The following TMEM64 variants were observed in gnomAD, a reference collection of about 807,000 sequenced individuals.
TMEM64 encodes the protein transmembrane protein 64.
A neutral mutation model predicts 24.5 loss-of-function variants in TMEM64; 19 were observed. The ratio of observed to expected loss-of-function variants is 0.78; its 90% confidence interval spans 0.54 to 1.14. The LOEUF is 1.14. TMEM64 is among the 50% of genes most tolerant of loss of function. The pLI is 0.00. For missense variants in TMEM64, 487 were observed against 493.0 expected (o/e 0.99, Z 0.12); for synonymous variants, 262 against 224.7 (o/e 1.17, Z -1.49).
chr8:90,635,808 G>T (rs35409073), intron 1 of TMEM64, among the ~76,000 whole-genome samples: 52,706 of 151,978 alleles, frequency 0.35, 9,977 homozygotes, highest in East Asian at 0.72. Flanking sequence ...ACATATTATG[G>T]AAGTTATCTT....
In TMEM64 at chr8:90,631,412, T is replaced by C. The variant is rs1025362291; in HGVS notation, c.951+140A>G. Reference sequence around the variant, plus strand: ...AAAATTTTAATGTTGTCAAAATATGTAGTAGTAATGAAAGAACCAAGAAAA... The same window carrying C: ...AAAATTTTAATGTTGTCAAAATATGCAGTAGTAATGAAAGAACCAAGAAAA... On this transcript the variant is annotated intron_variant, in intron 2 of 2. Coordinates refer to ENST00000458549, the MANE Select transcript of TMEM64 (RefSeq NM_001008495.4). 4.1e-5 allele frequency: 25 copies of C among 608,164 alleles called. No individual in the cohort carries two copies. In the Admixed American group the frequency reaches 5.1e-4, roughly 13 times the overall value. The allele number at this position is 608,164 out of a possible 1,614,324, so 37.7% of individuals were successfully genotyped here.
intron 1 of TMEM64, among the ~76,000 whole-genome samples, chr8:90,632,790 A>C (rs184251231): frequency 6.6e-6 from 1 of 152,322 alleles, no homozygotes; most frequent in East Asian, 1.9e-4. Context: ...TAGGATCAAA[A>C]ATATTTCTAA....
intron 1 of TMEM64, among the ~76,000 whole-genome samples, chr8:90,633,523 A>C (rs1181756566): frequency 1.3e-5 from 2 of 152,228 alleles, no homozygotes; most frequent in Admixed American, 1.3e-4. Context: ...GGTATACAGC[A>C]ATACATGACA....
intron 1 of TMEM64, among the ~76,000 whole-genome samples, chr8:90,634,750 T>C (rs1809489756): frequency 6.6e-6 from 1 of 152,224 alleles, no homozygotes; most frequent in African/African-American, 2.4e-5. Context: ...ACTACTGATT[T>C]TGAAAGTAAC....
At chr8:90,629,391 T>C (rs1809407291) in intron 2 of TMEM64, among the ~76,000 whole-genome samples, 1 of 152,160 alleles carries the variant, frequency 6.6e-6, no homozygotes, top group Non-Finnish European at 1.5e-5. Flanking sequence ...CATAAAAATA[T>C]AAAGTTTCAA....
rs1413193614 is a variant in TMEM64 at position 90,645,662 on chromosome 8, G to A, written c.244C>T (p.Pro82Ser). Residue 82 changes from proline to serine, a missense_variant, in exon 1 of 3, where the codon CCG (proline) becomes TCG (serine). Coordinates refer to ENST00000458549, the MANE Select transcript of TMEM64 (RefSeq NM_001008495.4). The surrounding 1 kb of genome is among the most constrained non-coding windows in gnomAD (Gnocchi z 4.2). The stretch of plus-strand genomic sequence containing the variant: ...CCCGCCAAGGCCCCGCCCGGCTCCG[G>A]CAGCTCCGAAGCCTCGGGCGGACCG... ...RHGPPEASEL[P>S]EPGGALAGGP... 2.0e-6 allele frequency: 3 copies of A among 1,524,978 alleles called. No individual in the cohort carries two copies. Among genetic ancestry groups the A allele is most frequent in the Non-Finnish European group, 2.6e-6 (3 of 1,141,696 alleles). The allele number at this position is 1,524,978 out of a possible 1,614,324, so 94.5% of individuals were successfully genotyped here. A position where few individuals can be genotyped will look rare whatever the true frequency, so the allele number is the denominator to read the frequency against.
At chr8:90,637,464 T>A (rs74501676) in intron 1 of TMEM64, among the ~76,000 whole-genome samples, 1 of 152,234 alleles carries the variant, frequency 6.6e-6, no homozygotes, top group Non-Finnish European at 1.5e-5. Flanking sequence ...TGCAGCTCTG[T>A]GAATCTAGCA....
In TMEM64 at chr8:90,645,782, G is replaced by C. The variant is rs1271459220; in HGVS notation, c.124C>G (p.Pro42Ala). 9.8e-7 allele frequency: 1 copy of C among 1,018,004 alleles called. No homozygotes were observed. Among genetic ancestry groups the C allele is most frequent in the African/African-American group, 1.7e-5 (1 of 57,522 alleles). The allele number at this position is 1,018,004 out of a possible 1,614,324, so 63.1% of individuals were successfully genotyped here. A position where few individuals can be genotyped will look rare whatever the true frequency, so the allele number is the denominator to read the frequency against. Reference protein sequence around the residue: ...ALPRGAGGDGPADRLPRGGGA... With the variant: ...ALPRGAGGDGAADRLPRGGGA... ...CCCCCGCGGGGAAGGCGGTCCGCCG[G>C]GCCGTCCCCGCCCGCACCCCGCGGC... The change falls in exon 1 of 3, where the codon CCG becomes GCG. Residue 42 changes from proline (P) to alanine (A), a missense_variant. Pro to Ala is a conservative substitution (Grantham distance 27). Transcript: ENST00000458549. This position sits in a 1 kb window ranked among gnomAD's most constrained non-coding sequence, Gnocchi z 4.2.
intron 2 of TMEM64, among the ~76,000 whole-genome samples, chr8:90,629,172 T>C (rs1324083709): frequency 6.6e-6 from 1 of 152,212 alleles, no homozygotes; most frequent in Non-Finnish European, 1.5e-5. Flanking sequence ...GTAACTAATA[T>C]CAATTAAATC....
At chr8:90,631,221 T>C (rs1413458686) in intron 2 of TMEM64, among the ~76,000 whole-genome samples, 1 of 152,216 alleles carries the variant, frequency 6.6e-6, no homozygotes, top group East Asian at 1.9e-4. Context: ...ACTGAAATTA[T>C]TTTCAGATAC....
chr8:90,637,932 G>A (rs942365104), intron 1 of TMEM64, among the ~76,000 whole-genome samples: 20 of 151,986 alleles, frequency 1.3e-4, no homozygotes, highest in African/African-American at 4.1e-4. Context: ...CAATCTCAGC[G>A]GCCCTAGCTG....
At chr8:90,625,960 T>C (rs1454141494) in intron 2 of TMEM64, 98 bp from the exon 3 acceptor site, 1 of 865,914 alleles carries the variant, frequency 1.2e-6, no homozygotes, top group Non-Finnish European at 1.7e-6. Flanking sequence ...TCAAACAGGG[T>C]GCTTCTCAAA....
At chr8:90,625,950 T>A in intron 2 of TMEM64, 88 bp from the exon 3 acceptor site, 1 of 935,744 alleles carries the variant, frequency 1.1e-6, no homozygotes, top group Non-Finnish European at 1.6e-6. Context: ...TAGAAATGCT[T>A]CAAACAGGGT....
intron 1 of TMEM64, among the ~76,000 whole-genome samples, chr8:90,632,647 C>CA (rs1281772628): frequency 6.6e-6 from 1 of 152,168 alleles, no homozygotes; most frequent in African/African-American, 2.4e-5. Flanking sequence ...TTAGTACAGA[C>CA]AGAGTTTCAC....
chr8:90,642,616 T>G (rs2130511225), intron 1 of TMEM64, among the ~76,000 whole-genome samples: 1 of 152,338 alleles, frequency 6.6e-6, no homozygotes, highest in South Asian at 2.1e-4. Context: ...TAAGCTTTCT[T>G]TTCTTTCACA....
Position 90,645,610 on chromosome 8 carries a change from ACGC to A in TMEM64, c.293_295del (p.Gly98del), listed in dbSNP as rs980389725. On this transcript the variant is annotated inframe_deletion, in exon 1 of 3. Coordinates refer to ENST00000458549, the MANE Select transcript of TMEM64 (RefSeq NM_001008495.4). The surrounding 1 kb of genome is among the most constrained non-coding windows in gnomAD (Gnocchi z 4.2). ...TCTCACCTCAGCCACGCCGACCACCACGCCGCCGCCGCCACTCCCGGGGCCGCC... is the reference window on the plus strand; with the variant it reads ...TCTCACCTCAGCCACGCCGACCACCACGCCGCCGCCACTCCCGGGGCCGCC... 1 of 1,534,274 alleles carries A rather than the reference ACGC, an allele frequency of 6.5e-7. No individual in the cohort carries two copies. The highest frequency in any genetic ancestry group is 8.7e-7 in the Non-Finnish European group (1 of 1,144,548).
chr8:90,638,276 T>C (rs897176530), intron 1 of TMEM64, among the ~76,000 whole-genome samples: 8 of 152,170 alleles, frequency 5.3e-5, no homozygotes, highest in African/African-American at 1.9e-4. Flanking sequence ...ATTTTCTCAG[T>C]TCCTAGAACA....
chr8:90,640,539 A>C (rs1039088322), intron 1 of TMEM64, among the ~76,000 whole-genome samples: 3 of 152,190 alleles, frequency 2.0e-5, no homozygotes, highest in Non-Finnish European at 2.9e-5. Flanking sequence ...GAATCATTAA[A>C]TCACTTCGCC....
At chr8:90,638,760 A>C (rs1309761770) in intron 1 of TMEM64, among the ~76,000 whole-genome samples, 1 of 152,206 alleles carries the variant, frequency 6.6e-6, no homozygotes, top group Non-Finnish European at 1.5e-5. Context: ...TGCAATGTCC[A>C]TTTTTAATCG....
Sources: allele counts gnomAD v4.1 joint callset (sites outside exome capture counted in the v4.1 genomes callset), GRCh38; gene constraint gnomAD v4.1.1; non-coding constraint Gnocchi (gnomAD v3.1); transcripts MANE v1.5; gene names NCBI Gene and HGNC (gene_info 2026-07-23, HGNC 2026-07-21).